Variants in PDE12 observed in about 807,000 individuals in gnomAD.
The protein encoded by PDE12 is 2',5'-phosphodiesterase 12.
A neutral mutation model predicts 45.4 loss-of-function variants in PDE12; 26 were observed. The ratio of observed to expected loss-of-function variants is 0.57; its 90% CI spans 0.42 to 0.79. The LOEUF is 0.79. Among genes scored for constraint, PDE12 ranks in the 30% least tolerant of loss-of-function variants. The pLI is 0.00. For missense variants in PDE12, 668 were observed against 790.0 expected, an observed-to-expected ratio of 0.85 and a Z score of 1.85; for synonymous variants, 283 against 323.9, an observed-to-expected ratio of 0.87 and a Z score of 1.36.
Position 57,563,196 on chromosome 3 carries a change from T to TA in PDE12, c.*3193dup, listed in dbSNP as rs2069744538. The TA allele has an allele frequency of 4.6e-5, 7 of 152,260 alleles. No individual in the cohort carries two copies. Among genetic ancestry groups the TA allele is most frequent in the Middle Eastern group, 3.4e-3 (1 of 294 alleles). The allele number at this position is 152,260 out of a possible 1,614,324, so 9.4% of individuals were successfully genotyped here. A position where few individuals can be genotyped will look rare whatever the true frequency, so the allele number is the denominator to read the frequency against. On this transcript the variant is annotated 3_prime_UTR_variant, in exon 3 of 3. Transcript: ENST00000311180. ...TTCTCAGCATAATTTTTTTAAGAGA[T>TA]AGAGTCTCACTGTTACCCAGGCTGG...
chr3:57,638,151 A>G, the PDE12 span, among the ~76,000 whole-genome samples: 2 of 152,060 alleles, frequency 1.3e-5, no homozygotes, highest in East Asian at 3.9e-4. Flanking sequence ...AAATAAATAA[A>G]ATAAACTTCT....
chr3:57,652,193 A>G, the PDE12 span, among the ~76,000 whole-genome samples: 2 of 152,332 alleles, frequency 1.3e-5, no homozygotes, highest in East Asian at 3.9e-4. Flanking sequence ...AGAAATGACA[A>G]TGTACAACTT....
At chr3:57,571,044 C>T (rs2069837043), downstream of PDE12, among the ~76,000 whole-genome samples, 1 of 151,430 alleles carries the variant, frequency 6.6e-6, no homozygotes, top group South Asian at 2.1e-4. Context: ...GGTCTTACTA[C>T]ATTGCCAAAG....
chr3:57,635,266 AACTT>A, the PDE12 span, among the ~76,000 whole-genome samples: 1 of 152,100 alleles, frequency 6.6e-6, no homozygotes, highest in Non-Finnish European at 1.5e-5. Flanking sequence ...CCATTATAGA[AACTT>A]ACACTGCCAG....
At chr3:57,583,778 G>A in the PDE12 span, 1 of 720,800 alleles carries the variant, frequency 1.4e-6, no homozygotes, top group Admixed American at 2.9e-5. Context: ...TGGAAGTGGT[G>A]ATAAGACAAA....
chr3:57,605,792 A>T, the PDE12 span, among the ~76,000 whole-genome samples: 1 of 152,210 alleles, frequency 6.6e-6, no homozygotes, highest in Non-Finnish European at 1.5e-5. Flanking sequence ...AAATAAGTAA[A>T]GACATGTAAG....
At chr3:57,593,423 T>C in the PDE12 span, among the ~76,000 whole-genome samples, 740 of 152,280 alleles carry the variant, frequency 4.9e-3, 5 homozygotes, top group African/African-American at 0.017. Context: ...CACCACTCTT[T>C]AGCTTGGTAA....
chr3:57,631,028 AACAG>A, the PDE12 span: 1 of 1,564,390 alleles, frequency 6.4e-7, no homozygotes, highest in East Asian at 2.2e-5. Context: ...AAAATATTTA[AACAG>A]ACCTACTTAA....
downstream of PDE12, chr3:57,571,618 A>G (rs2069843887): frequency 6.5e-6 from 1 of 152,746 alleles, no homozygotes; most frequent in Admixed American, 6.5e-5. Context: ...ATTCTTTGCA[A>G]CCAGCACAGA....
At chr3:57,628,478 TA>T in the PDE12 span, 1 of 1,283,152 alleles carries the variant, frequency 7.8e-7, no homozygotes, top group Non-Finnish European at 1.0e-6. Context: ...TTACAGAAAC[TA>T]AAAAAGCAAG....
chr3:57,654,928 C>A, the PDE12 span: 1 of 338,002 alleles, frequency 3.0e-6, no homozygotes, highest in Non-Finnish European at 4.2e-6. Context: ...AGCACAGTCA[C>A]AAATAAAGCA....
chr3:57,645,999 C>T, the PDE12 span, among the ~76,000 whole-genome samples: 1 of 152,252 alleles, frequency 6.6e-6, no homozygotes, highest in Non-Finnish European at 1.5e-5. Context: ...TGTTCACTAG[C>T]TATGTGCCTT....
the PDE12 span, chr3:57,626,312 G>A: frequency 6.6e-6 from 1 of 152,476 alleles, no homozygotes; most frequent in Non-Finnish European, 1.5e-5. Context: ...GATAGCTTCT[G>A]AAGCCATATC....
chr3:57,575,431 A>G, the PDE12 span: 1 of 1,023,490 alleles, frequency 9.8e-7, no homozygotes, highest in South Asian at 2.9e-5. Flanking sequence ...TAAATAAATG[A>G]TGTGCTCATT....
At chr3:57,614,538 T>G in the PDE12 span, among the ~76,000 whole-genome samples, 1 of 107,332 alleles carries the variant, frequency 9.3e-6, no homozygotes, top group Admixed American at 1.0e-4. Flanking sequence ...TTTTTTTTTG[T>G]TTTTTGTTTT....
the PDE12 span, chr3:57,654,664 T>A: frequency 1.0e-6 from 1 of 985,110 alleles, no homozygotes; most frequent in South Asian, 4.7e-5. Context: ...AAAAACAGAA[T>A]GAGGAAACTA....
the PDE12 span, chr3:57,597,377 C>T: frequency 5.1e-6 from 2 of 389,812 alleles, no homozygotes; most frequent in Non-Finnish European, 4.7e-6. Flanking sequence ...CCTTTAGGCT[C>T]TGGCTGTGCC....
the PDE12 span, among the ~76,000 whole-genome samples, chr3:57,623,946 T>C: frequency 6.6e-6 from 1 of 152,242 alleles, no homozygotes; most frequent in Admixed American, 6.5e-5. Flanking sequence ...TAAAATGGAA[T>C]GAGGCATGAT....
the PDE12 span, among the ~76,000 whole-genome samples, chr3:57,595,379 T>G: frequency 2.6e-5 from 4 of 152,218 alleles, no homozygotes; most frequent in Non-Finnish European, 5.9e-5. Context: ...GTCCTCCCAT[T>G]AACTTCCGAT....
Sources: gnomAD v4.1 joint callset for allele counts (sites outside exome capture counted in the v4.1 genomes callset) on GRCh38, gnomAD v4.1.1 for gene constraint, MANE v1.5 for transcripts, NCBI Gene and HGNC (gene_info 2026-07-23, HGNC 2026-07-21) for gene names.